The following CALN1 variants were observed in gnomAD, a reference collection of about 807,000 sequenced individuals.
The protein encoded by CALN1 is calcium-binding protein 8.
In CALN1, 17 loss-of-function variants were observed where a neutral mutation model predicts 30.6. The ratio of observed to expected loss-of-function variants is 0.56; its 90% CI spans 0.38 to 0.83. CALN1 has a LOEUF of 0.83. Among genes scored for constraint, CALN1 ranks in the 40% least tolerant of loss-of-function variants. The pLI, the probability that CALN1 is intolerant of heterozygous loss-of-function variation, is 0.00. For synonymous variants in CALN1, 156 were observed against 131.4 expected (o/e 1.19, Z -1.28); for missense variants, 291 against 354.9 (o/e 0.82, Z 1.45).
chr7:71,846,178 A>G (rs972949592), intron 5 of CALN1, among the ~76,000 whole-genome samples: 2 of 152,188 alleles, frequency 1.3e-5, no homozygotes, highest in Admixed American at 1.3e-4. Context: ...TTTAGGATAC[A>G]CCAACAAAGA....
the CALN1 span, among the ~76,000 whole-genome samples, chr7:72,468,462 T>C: frequency 1.3e-5 from 2 of 152,176 alleles, no homozygotes; most frequent in South Asian, 2.1e-4. Flanking sequence ...TACAGGCATG[T>C]GCCAACACTA....
chr7:72,457,913 G>A, the CALN1 span, among the ~76,000 whole-genome samples: 10 of 150,864 alleles, frequency 6.6e-5, no homozygotes, highest in East Asian at 3.9e-4. Context: ...GCACCACCAC[G>A]TCTCGATACT....
chr7:72,397,176 G>A (rs887802216), intron 2 of CALN1, among the ~76,000 whole-genome samples: 1 of 152,110 alleles, frequency 6.6e-6, no homozygotes, highest in Non-Finnish European at 1.5e-5. Context: ...CATCCAAAGT[G>A]CTGGGATTAC....
the CALN1 span, among the ~76,000 whole-genome samples, chr7:72,490,107 G>T: frequency 6.6e-6 from 1 of 152,178 alleles, no homozygotes; most frequent in Non-Finnish European, 1.5e-5. Flanking sequence ...AGAGACCATG[G>T]CTTCTCCTTG....
intron 3 of CALN1, among the ~76,000 whole-genome samples, chr7:72,134,286 T>C (rs1416585654): frequency 6.6e-6 from 1 of 152,204 alleles, no homozygotes; most frequent in Non-Finnish European, 1.5e-5. Context: ...AAATTTCTGT[T>C]CTTTATAAAT....
intron 5 of CALN1, among the ~76,000 whole-genome samples, chr7:72,019,820 A>C (rs1800603136): frequency 6.6e-6 from 1 of 152,178 alleles, no homozygotes; most frequent in Admixed American, 6.5e-5. Context: ...GAAAATATTT[A>C]GTGTTGTTTT....
chr7:72,236,988 A>ATT (rs1397656751), intron 3 of CALN1, among the ~76,000 whole-genome samples: 1 of 140,292 alleles, frequency 7.1e-6, no homozygotes, highest in African/African-American at 2.6e-5. Flanking sequence ...TTCTATTTTT[A>ATT]TTTTTTTTTT....
intron 3 of CALN1, among the ~76,000 whole-genome samples, chr7:72,126,550 C>T (rs914743598): frequency 6.6e-6 from 1 of 152,186 alleles, no homozygotes; most frequent in East Asian, 1.9e-4. Context: ...TTCTGGTGCA[C>T]CTGTCAACTG....
intron 4 of CALN1, among the ~76,000 whole-genome samples, chr7:72,073,874 T>C (rs188124089): frequency 1.3e-5 from 2 of 152,230 alleles, no homozygotes; most frequent in Admixed American, 1.3e-4. Context: ...TTTAATTGTT[T>C]TCTAGAAATG....
intron 4 of CALN1, among the ~76,000 whole-genome samples, chr7:72,100,967 TTTTG>T (rs931738992): frequency 5.3e-5 from 8 of 151,900 alleles, no homozygotes; most frequent in African/African-American, 1.7e-4. Context: ...TTTTTGTTTG[TTTTG>T]TTTGTTTTTT....
chr7:72,308,370 GGGGAGAGAGAGAGAGA>G (rs1562868173), intron 2 of CALN1, among the ~76,000 whole-genome samples: 1 of 90,242 alleles, frequency 1.1e-5, no homozygotes, highest in Non-Finnish European at 2.2e-5. Flanking sequence ...TCTGTGGGGG[GGGGAGAGAGAGAGAGA>G]GAGAGAGAGA....
rs1434958497 is a variant in CALN1 at position 72,110,741 on chromosome 7, G to A, written c.245-4447C>T. Among the ~76,000 whole-genome samples, 9 of 151,540 alleles carry A rather than the reference G, an allele frequency of 5.9e-5. No homozygotes were observed. In the East Asian group the frequency reaches 1.7e-3, roughly 29 times the overall value. On this transcript the variant is annotated intron_variant, in intron 3 of 6. Coordinates refer to ENST00000395275, the MANE Select transcript of CALN1 (RefSeq NM_031468.4). ...TAATAGGCACCTCGGGAGAGTTAAT[G>A]TTTCTAGGGTAAGGAAAGCCCAGGC...
chr7:72,005,865 G>T (rs1799746689), intron 5 of CALN1, among the ~76,000 whole-genome samples: 1 of 152,140 alleles, frequency 6.6e-6, no homozygotes, highest in Non-Finnish European at 1.5e-5. Context: ...TTGTTCAATA[G>T]CTTGATTGTG....
At chr7:71,830,769 G>A (rs1789226255) in intron 5 of CALN1, among the ~76,000 whole-genome samples, 1 of 152,304 alleles carries the variant, frequency 6.6e-6, no homozygotes, top group Admixed American at 6.5e-5. Context: ...CTGTTCCTTA[G>A]CTTCCCTGTG....
At chr7:72,257,052 A>G (rs1342295207) in intron 3 of CALN1, among the ~76,000 whole-genome samples, 3 of 152,184 alleles carry the variant, frequency 2.0e-5, no homozygotes, top group Non-Finnish European at 4.4e-5. Context: ...TCACACTTCC[A>G]TATGGCTGGG....
chr7:72,120,797 AGATTATGTCT>A (rs1433755635), intron 3 of CALN1, among the ~76,000 whole-genome samples: 8 of 152,114 alleles, frequency 5.3e-5, no homozygotes, highest in Non-Finnish European at 1.2e-4. Flanking sequence ...GAGGCAATTC[AGATTATGTCT>A]GAAAAAGGCC....
At chr7:72,238,599 T>C (rs948573085) in intron 3 of CALN1, among the ~76,000 whole-genome samples, 12 of 111,900 alleles carry the variant, frequency 1.1e-4, no homozygotes, top group South Asian at 7.1e-4. Context: ...TGGGAGGTAA[T>C]TGAATCACAG....
At chr7:72,494,726 G>A in the CALN1 span, among the ~76,000 whole-genome samples, 2 of 152,058 alleles carry the variant, frequency 1.3e-5, no homozygotes, top group Non-Finnish European at 2.9e-5. Context: ...AATTACCCAG[G>A]TATAGTTGGG....
At chr7:72,244,617 C>T (rs1795046455) in intron 3 of CALN1, among the ~76,000 whole-genome samples, 1 of 148,766 alleles carries the variant, frequency 6.7e-6, no homozygotes, top group Non-Finnish European at 1.5e-5. Context: ...TTTCATCTAG[C>T]TGTAGGGTGA....
Sources: allele counts gnomAD v4.1 joint callset (sites outside exome capture counted in the v4.1 genomes callset), GRCh38; gene constraint gnomAD v4.1.1; transcripts MANE v1.5; gene names NCBI Gene and HGNC (gene_info 2026-07-23, HGNC 2026-07-21).